Variants in TP63 observed in about 807,000 individuals in gnomAD.
TP63 encodes tumor protein 63.
Under a neutral mutation model 82.8 loss-of-function variants are expected in TP63, and 17 were observed. That is an observed-to-expected ratio of 0.21 (90% CI 0.14 to 0.31). The LOEUF (loss-of-function observed/expected upper bound fraction) is 0.31, where lower values mean the gene tolerates loss of function less well. Ranked by LOEUF, TP63 falls within the 10% of genes least tolerant of loss-of-function variation. The probability of loss-of-function intolerance (pLI) is 1.00; values close to 1 mark genes in which losing one functional copy is unlikely to be tolerated. For missense variants in TP63, 648 were observed against 895.3 expected (o/e 0.72, Z 3.52); for synonymous variants, 330 against 321.7 (o/e 1.03, Z -0.28).
At chr3:189,754,451 T>C (rs1221447134) in intron 3 of TP63, among the ~76,000 whole-genome samples, 1 of 152,164 alleles carries the variant, frequency 6.6e-6, no homozygotes, top group Non-Finnish European at 1.5e-5. Flanking sequence ...TAAATAGATA[T>C]TAAACACGTA....
rs527726173 is a variant in TP63 at position 189,896,461 on chromosome 3, A to T, written c.*1959A>T. The T allele has an allele frequency of 3.7e-4, 74 of 199,840 alleles. No homozygotes were observed. The highest frequency in any genetic ancestry group is 1.0e-3 in the African/African-American group (45 of 43,480). 12.4% of individuals were successfully genotyped at this position (199,840 alleles called of 1,614,324 possible). A position where few individuals can be genotyped will look rare whatever the true frequency, so the allele number is the denominator to read the frequency against. The stretch of plus-strand genomic sequence containing the variant: ...GAAAGTTTTTTTTTATTATTTTTTT[A>T]AAATTTTGTATGTTAAAGAGAATGA... On this transcript the variant is annotated 3_prime_UTR_variant, in exon 14 of 14. Transcript: ENST00000264731.
Position 189,831,818 on chromosome 3 carries a change from CTTTTTTTTTTTTTTT to C in TP63, c.579+23307_579+23321del, listed in dbSNP as rs1156431272. Among the ~76,000 whole-genome samples, 94 of 73,206 alleles carry C rather than the reference CTTTTTTTTTTTTTTT, an allele frequency of 1.3e-3. No individual in the cohort carries two copies. The Middle Eastern group carries it at 0.058, about 45-fold the overall frequency. 48.0% of individuals were successfully genotyped at this position (73,206 alleles called of 152,430 possible). On this transcript the variant is annotated intron_variant, in intron 4 of 13. Coordinates refer to ENST00000264731, the MANE Select transcript of TP63 (RefSeq NM_003722.5). The stretch of plus-strand genomic sequence containing the variant: ...GATGTGCCATGAAAGCTATTATGCT[CTTTTTTTTTTTTTTT>C]TTTTTTTTTTTTTTGAGACGGAGTC...
At chr3:189,607,158 T>C in the TP63 span, among the ~76,000 whole-genome samples, 5,788 of 152,170 alleles carry the variant, frequency 0.038, 132 homozygotes, top group Middle Eastern at 0.062. Flanking sequence ...GGCTCTGTCA[T>C]TGGGGAATTG....
the TP63 span, among the ~76,000 whole-genome samples, chr3:189,621,342 T>C: frequency 3.9e-5 from 6 of 152,084 alleles, no homozygotes; most frequent in Admixed American, 3.9e-4. Flanking sequence ...ATTTTTGGTT[T>C]TAAAAATAAT....
intron 4 of TP63, among the ~76,000 whole-genome samples, chr3:189,850,760 G>A (rs1715525326): frequency 1.3e-5 from 2 of 151,948 alleles, no homozygotes; most frequent in Middle Eastern, 3.4e-3. Context: ...TTAAGGACAC[G>A]CAAAATTATA....
At chr3:189,788,949 A>AG (rs921160972) in intron 3 of TP63, among the ~76,000 whole-genome samples, 1 of 151,828 alleles carries the variant, frequency 6.6e-6, no homozygotes, top group African/African-American at 2.4e-5. Flanking sequence ...AAAAAAAAAA[A>AG]AAGAAGAAAG....
At chr3:189,634,725 A>G (rs1209107387) in intron 1 of TP63, among the ~76,000 whole-genome samples, 1 of 152,108 alleles carries the variant, frequency 6.6e-6, no homozygotes, top group Non-Finnish European at 1.5e-5. Flanking sequence ...AGATGAAATT[A>G]TAAAAGTTCA....
intron 1 of TP63, among the ~76,000 whole-genome samples, chr3:189,691,230 T>A: frequency 6.7e-6 from 1 of 148,900 alleles, no homozygotes; most frequent in East Asian, 2.0e-4. Context: ...TCCCAGCTAC[T>A]CGGGAGGCTG....
chr3:189,866,575 A>T, intron 5 of TP63, 107 bp from the exon 6 acceptor site: 1 of 987,452 alleles, frequency 1.0e-6, no homozygotes, highest in Non-Finnish European at 1.6e-6. Flanking sequence ...TTTCTTTATT[A>T]TACAGACTAT....
the TP63 span, among the ~76,000 whole-genome samples, chr3:189,597,260 G>A: frequency 6.6e-6 from 1 of 152,176 alleles, no homozygotes; most frequent in Non-Finnish European, 1.5e-5. Flanking sequence ...GTTTTCAGTT[G>A]AAACCCAAGA....
At chr3:189,621,551 G>A in the TP63 span, among the ~76,000 whole-genome samples, 2 of 149,196 alleles carry the variant, frequency 1.3e-5, no homozygotes, top group Non-Finnish European at 3.0e-5. Context: ...ATGAATATAA[G>A]TAAATATGTA....
chr3:189,868,494 T>C, intron 7 of TP63, 86 bp from the exon 8 acceptor site: 1 of 1,572,542 alleles, frequency 6.4e-7, no homozygotes, highest in South Asian at 1.2e-5. Context: ...CGATGGCCCA[T>C]ATGGGAAGTG....
At chr3:189,783,875 T>C (rs1296419346) in intron 3 of TP63, among the ~76,000 whole-genome samples, 3 of 152,054 alleles carry the variant, frequency 2.0e-5, no homozygotes, top group Non-Finnish European at 4.4e-5. Flanking sequence ...GAAAATAACT[T>C]GATATTATAT....
chr3:189,708,466 A>C (rs1718360429), intron 1 of TP63, among the ~76,000 whole-genome samples: 1 of 152,212 alleles, frequency 6.6e-6, no homozygotes, highest in South Asian at 2.1e-4. Flanking sequence ...AATTTGGTGG[A>C]TTAATTTCTT....
chr3:189,756,686 G>T (rs1313172460), intron 3 of TP63, among the ~76,000 whole-genome samples: 1 of 152,156 alleles, frequency 6.6e-6, no homozygotes, highest in Non-Finnish European at 1.5e-5. Flanking sequence ...GAAGGTGTTT[G>T]CAGTTGCTGT....
intron 4 of TP63, chr3:189,844,356 G>A (rs1471755052): frequency 5.0e-6 from 2 of 397,698 alleles, no homozygotes; most frequent in South Asian, 1.8e-5. Flanking sequence ...CACGACCTCA[G>A]CTCACTGCAA....
At chr3:189,851,284 C>T (rs1012569948) in intron 4 of TP63, among the ~76,000 whole-genome samples, 1 of 152,140 alleles carries the variant, frequency 6.6e-6, no homozygotes, top group Non-Finnish European at 1.5e-5. Context: ...TCCAGCCAGG[C>T]GCGGTGGCTC....
At chr3:189,704,306 G>A (rs745790267) in intron 1 of TP63, among the ~76,000 whole-genome samples, 9 of 152,166 alleles carry the variant, frequency 5.9e-5, no homozygotes, top group Non-Finnish European at 7.3e-5. Context: ...GGTTCTCTAC[G>A]TGGTAATACT....
At chr3:189,606,449 C>T in the TP63 span, among the ~76,000 whole-genome samples, 4 of 147,708 alleles carry the variant, frequency 2.7e-5, no homozygotes, top group African/African-American at 1.0e-4. Flanking sequence ...ATTGGAATTA[C>T]AATGCATGGC....
Sources: allele counts gnomAD v4.1 joint callset (sites outside exome capture counted in the v4.1 genomes callset), GRCh38; gene constraint gnomAD v4.1.1; transcripts MANE v1.5; gene names NCBI Gene and HGNC (gene_info 2026-07-23, HGNC 2026-07-21).